The following THSD4 variants were observed in gnomAD, a reference collection of about 807,000 sequenced individuals.
THSD4 encodes the protein thrombospondin type 1 domain containing 4.
A neutral mutation model predicts 119.0 loss-of-function variants in THSD4; 69 were observed. The observed-to-expected ratio is 0.58, with a 90% confidence interval of 0.48 to 0.71. The LOEUF (loss-of-function observed/expected upper bound fraction) is 0.71, where lower values mean the gene tolerates loss of function less well. THSD4 is among the 30% of genes least tolerant of loss of function. THSD4 has a pLI of 0.00. For synonymous variants in THSD4, 524 were observed against 540.4 expected, an observed-to-expected ratio of 0.97 and a Z score of 0.42; for missense variants, 1,393 against 1,391.1, an observed-to-expected ratio of 1.00 and a Z score of -0.02.
chr15:71,670,649 C>T (rs1052463286), intron 8 of THSD4, among the ~76,000 whole-genome samples: 4 of 151,702 alleles, frequency 2.6e-5, no homozygotes, highest in Non-Finnish European at 5.9e-5. Flanking sequence ...CCTCCCCCAT[C>T]CCCCTGCCAC....
chr15:71,246,028 A>G (rs552289864), intron 5 of THSD4, among the ~76,000 whole-genome samples: 2 of 152,336 alleles, frequency 1.3e-5, no homozygotes, highest in African/African-American at 4.8e-5. Flanking sequence ...AAGAGAGGAC[A>G]TGAATGACCC....
At chr15:71,730,986 G>T in intron 9 of THSD4, 135 bp from the exon 10 acceptor site, 8 of 724,366 alleles carry the variant, frequency 1.1e-5, no homozygotes, top group Non-Finnish European at 1.7e-5. Flanking sequence ...TCTGCCACAG[G>T]TTCACTGATA....
intron 6 of THSD4, among the ~76,000 whole-genome samples, chr15:71,298,504 A>G (rs1431632911): frequency 6.7e-6 from 1 of 148,400 alleles, no homozygotes; most frequent in Non-Finnish European, 1.5e-5. Context: ...TGGTGTCTCT[A>G]TTCTTTTTCC....
In THSD4 at chr15:71,456,133, C is replaced by G. The variant is rs79864762; in HGVS notation, c.1152+44310C>G. 6.3e-3 allele frequency among the ~76,000 whole-genome samples: 956 copies of G among 152,310 alleles called. 6 individuals carry two copies. The highest frequency in any genetic ancestry group is 8.4e-3 in the Non-Finnish European group (570 of 68,030). The stretch of plus-strand genomic sequence containing the variant: ...AAGGAAAGAACTTTTCTCTTCCTCT[C>G]TTTTCCTCTTGTGGTTTACTTTTGG... On this transcript the variant is annotated intron_variant, in intron 7 of 17. Transcript: ENST00000261862.
Position 71,215,232 on chromosome 15 carries a change from C to G in THSD4, c.297C>G (p.Ala99=). Residue 99 remains alanine, a synonymous_variant, in exon 4 of 18, where the codon GCC becomes GCG. Transcript: ENST00000261862. The part of the protein sequence containing the change: ...GGQRPGAPAR[A]FADHVVSAVR... ...AGCGGCCTGGCGCCCCTGCGCGCGC[C>G]TTCGCGGACCACGTGGTGTCGGCGG... is the stretch of plus-strand genomic sequence containing the variant. 1 of 1,434,132 alleles carries G rather than the reference C, an allele frequency of 7.0e-7. No homozygotes were observed. 88.8% of individuals were successfully genotyped at this position (1,434,132 alleles called of 1,614,324 possible).
intron 3 of THSD4, among the ~76,000 whole-genome samples, chr15:71,211,265 C>T (rs1055294121): frequency 1.3e-5 from 2 of 152,144 alleles, no homozygotes; most frequent in African/African-American, 4.8e-5. Context: ...TTAGCTTGAG[C>T]AGCTATAATA....
intron 8 of THSD4, among the ~76,000 whole-genome samples, chr15:71,664,084 G>T (rs1422077414): frequency 6.6e-6 from 1 of 151,784 alleles, no homozygotes; most frequent in Non-Finnish European, 1.5e-5. Flanking sequence ...CCGGGTTCAC[G>T]CCATTCTCCT....
chr15:71,659,578 A>T (rs1390203223), intron 7 of THSD4, among the ~76,000 whole-genome samples: 1 of 151,960 alleles, frequency 6.6e-6, no homozygotes. Context: ...GCACCTGGTT[A>T]ATTTTTTACT....
chr15:71,748,871 A>G (rs1004682344), intron 14 of THSD4, among the ~76,000 whole-genome samples: 3 of 152,178 alleles, frequency 2.0e-5, no homozygotes, highest in Non-Finnish European at 2.9e-5. Context: ...ATTACATCCC[A>G]TCGTTCATAT....
intron 7 of THSD4, among the ~76,000 whole-genome samples, chr15:71,533,931 A>G (rs111715839): frequency 6.6e-6 from 1 of 152,196 alleles, no homozygotes; most frequent in Admixed American, 6.5e-5. Context: ...TTGGAAATCC[A>G]AAGTCTCAGG....
At chr15:71,103,994 T>G (rs1294797850) in intron 1 of THSD4, among the ~76,000 whole-genome samples, 1 of 152,212 alleles carries the variant, frequency 6.6e-6, no homozygotes, top group Non-Finnish European at 1.5e-5. Context: ...TCTGGTCTTC[T>G]TCCCAAAGCC....
At chr15:71,460,317 T>TG (rs2047411546) in intron 7 of THSD4, among the ~76,000 whole-genome samples, 1 of 150,882 alleles carries the variant, frequency 6.6e-6, no homozygotes, top group East Asian at 1.9e-4. Context: ...TTTTTTTTTT[T>TG]TTTTTTTTTT....
At chr15:71,582,708 T>C (rs1462741154) in intron 7 of THSD4, among the ~76,000 whole-genome samples, 1 of 152,192 alleles carries the variant, frequency 6.6e-6, no homozygotes, top group African/African-American at 2.4e-5. Flanking sequence ...TTTTGTCAAA[T>C]GCTTTTTTCT....
At chr15:71,313,667 T>A (rs1363898457) in intron 6 of THSD4, among the ~76,000 whole-genome samples, 1 of 152,124 alleles carries the variant, frequency 6.6e-6, no homozygotes, top group Non-Finnish European at 1.5e-5. Context: ...AAGGAGAGAC[T>A]CTTTTCGTAA....
chr15:71,518,991 G>A (rs946153416), intron 7 of THSD4, among the ~76,000 whole-genome samples: 2 of 152,150 alleles, frequency 1.3e-5, no homozygotes, highest in African/African-American at 2.4e-5. Flanking sequence ...TAATAATCTG[G>A]CATGATAATT....
At chr15:71,604,118 G>A (rs1349656722) in intron 7 of THSD4, among the ~76,000 whole-genome samples, 1 of 152,162 alleles carries the variant, frequency 6.6e-6, no homozygotes, top group African/African-American at 2.4e-5. Context: ...GGAAAACCAT[G>A]GGGATAGTGA....
At chr15:71,429,656 AG>A (rs1302828461) in intron 7 of THSD4, among the ~76,000 whole-genome samples, 1 of 152,210 alleles carries the variant, frequency 6.6e-6, no homozygotes, top group African/African-American at 2.4e-5. Flanking sequence ...TTGCTTCTTT[AG>A]CACATCAAAG....
At position 71,777,784 on chromosome 15, in the gene THSD4, A is replaced by G. The variant is rs1318512753; in HGVS notation, c.*410A>G. 1 of 201,134 alleles carries G rather than the reference A, an allele frequency of 5.0e-6. No homozygotes were observed. Among genetic ancestry groups the G allele is most frequent in the Admixed American group, 5.1e-5 (1 of 19,544 alleles). The allele number at this position is 201,134 out of a possible 1,614,324, so 12.5% of individuals were successfully genotyped here. A position where few individuals can be genotyped will look rare whatever the true frequency, so the allele number is the denominator to read the frequency against. Reference sequence around the variant, plus strand: ...TAAACTTAGCACCCTGGAGAGTCCAAGGAGGCAGCGCCCCCAACCCAGCGC... The same window carrying G: ...TAAACTTAGCACCCTGGAGAGTCCAGGGAGGCAGCGCCCCCAACCCAGCGC... On this transcript the variant is annotated 3_prime_UTR_variant, in exon 18 of 18. Coordinates refer to ENST00000261862, the MANE Select transcript of THSD4 (RefSeq NM_024817.3).
At chr15:71,532,080 GAGTA>G (rs55639712) in intron 7 of THSD4, among the ~76,000 whole-genome samples, 40,483 of 151,740 alleles carry the variant, frequency 0.27, 6,101 homozygotes, top group East Asian at 0.62. Context: ...CCATGCTGAG[GAGTA>G]AGTAAGGTTA....
Sources: gnomAD v4.1 joint callset for allele counts (sites outside exome capture counted in the v4.1 genomes callset) on GRCh38, gnomAD v4.1.1 for gene constraint, MANE v1.5 for transcripts, NCBI Gene and HGNC (gene_info 2026-07-23, HGNC 2026-07-21) for gene names.